The following FRMPD4 variants were observed in gnomAD, a reference collection of about 807,000 sequenced individuals.
The protein encoded by FRMPD4 is FERM and PDZ domain-containing protein 4.
In FRMPD4, 22 loss-of-function variants were observed where a neutral mutation model predicts 94.1. The ratio of observed to expected loss-of-function variants is 0.23; its 90% CI spans 0.17 to 0.33. The LOEUF (loss-of-function observed/expected upper bound fraction) is 0.33. FRMPD4 is among the 10% of genes least tolerant of loss of function. The pLI is 1.00. For synonymous variants in FRMPD4, 631 were observed against 548.6 expected, an observed-to-expected ratio of 1.15 and a Z score of -2.10; for missense variants, 1,111 against 1,339.9, an observed-to-expected ratio of 0.83 and a Z score of 2.67.
chrX:12,441,050 T>C (rs1022454442), intron 1 of FRMPD4, among the ~76,000 whole-genome samples: 8 of 112,437 alleles, frequency 7.1e-5, no homozygotes, highest in Non-Finnish European at 9.4e-5. Context: ...CTCTCCAGTT[T>C]CATTTGCATG....
intron 1 of FRMPD4, among the ~76,000 whole-genome samples, chrX:12,426,695 G>T (rs925568250): frequency 5.4e-5 from 6 of 111,007 alleles, no homozygotes; most frequent in Non-Finnish European, 9.4e-5. Context: ...AACCTGATCT[G>T]CCCTTCCATA....
chrX:12,495,352 A>G (rs913443976), intron 1 of FRMPD4, among the ~76,000 whole-genome samples: 2 of 112,018 alleles, frequency 1.8e-5, no homozygotes, highest in Non-Finnish European at 3.8e-5. Flanking sequence ...TATTCTCCCA[A>G]TGGGTCCTAT....
intron 3 of FRMPD4, among the ~76,000 whole-genome samples, chrX:11,907,898 C>T (rs2053976447): frequency 9.0e-6 from 1 of 110,675 alleles, no homozygotes; most frequent in African/African-American, 3.3e-5. Flanking sequence ...TTCCTTACTC[C>T]CCAAGTTTGT....
At chrX:12,593,776 A>G (rs1292290627) in intron 2 of FRMPD4, among the ~76,000 whole-genome samples, 2 of 111,334 alleles carry the variant, frequency 1.8e-5, no homozygotes, top group African/African-American at 6.5e-5. Flanking sequence ...TGCAGTACAC[A>G]ATCTAAGGCA....
chrX:12,466,000 C>A (rs2057445408), intron 1 of FRMPD4, among the ~76,000 whole-genome samples: 1 of 111,117 alleles, frequency 9.0e-6, no homozygotes, highest in South Asian at 3.8e-4. Flanking sequence ...GGAGAATGAC[C>A]ATTATACAGC....
chrX:12,551,916 GA>G (rs778474191), intron 2 of FRMPD4, among the ~76,000 whole-genome samples: 12 of 111,393 alleles, frequency 1.1e-4, no homozygotes, highest in African/African-American at 3.3e-4. Context: ...CTTAGTAACT[GA>G]AAAACTCCCC....
At chrX:11,927,113 GCCA>G (rs1025658620) in intron 3 of FRMPD4, among the ~76,000 whole-genome samples, 9 of 108,817 alleles carry the variant, frequency 8.3e-5, no homozygotes, top group African/African-American at 2.7e-4. Flanking sequence ...CAACAGTCAA[GCCA>G]AATCAGGAAC....
chrX:12,036,993 C>T (rs191869138), intron 3 of FRMPD4, among the ~76,000 whole-genome samples: 1 of 112,018 alleles, frequency 8.9e-6, no homozygotes, highest in African/African-American at 3.2e-5. Flanking sequence ...GGCTAAGTAT[C>T]TTTGTGAGGA....
chrX:12,689,991 C>T (rs1474260073), intron 7 of FRMPD4, among the ~76,000 whole-genome samples: 1 of 112,495 alleles, frequency 8.9e-6, no homozygotes, highest in Non-Finnish European at 1.9e-5. Flanking sequence ...TTTGAATGAT[C>T]GAGGAGGCCA....
intron 10 of FRMPD4, among the ~76,000 whole-genome samples, chrX:12,702,800 T>C (rs1466219426): frequency 8.9e-6 from 1 of 112,386 alleles, no homozygotes; most frequent in Non-Finnish European, 1.9e-5. Context: ...TCATATGCAA[T>C]TTGAGAACCT....
chrX:12,671,477 A>C (rs1382075138), intron 4 of FRMPD4, among the ~76,000 whole-genome samples: 1 of 111,023 alleles, frequency 9.0e-6, no homozygotes, highest in African/African-American at 3.3e-5. Context: ...CAGCAAACTA[A>C]CACAAGAGCA....
At chrX:12,535,246 C>T (rs146639743) in intron 2 of FRMPD4, among the ~76,000 whole-genome samples, 1 of 111,636 alleles carries the variant, frequency 9.0e-6, no homozygotes, top group South Asian at 3.8e-4. Flanking sequence ...TTATTGTGAG[C>T]CCTCCCCAGC....
chrX:12,642,354 T>C (rs2059507873), intron 4 of FRMPD4, among the ~76,000 whole-genome samples: 1 of 112,016 alleles, frequency 8.9e-6, no homozygotes, highest in Admixed American at 9.4e-5. Context: ...AAGTGACATT[T>C]AGGTTGAGAC....
intron 9 of FRMPD4, among the ~76,000 whole-genome samples, chrX:12,698,035 C>A (rs1162101394): frequency 9.0e-6 from 1 of 111,726 alleles, no homozygotes; most frequent in African/African-American, 3.3e-5. Context: ...CAAATGGTGT[C>A]TGGGTGCCCA....
intron 1 of FRMPD4, among the ~76,000 whole-genome samples, chrX:12,236,171 A>G (rs1180124654): frequency 1.8e-5 from 2 of 112,177 alleles, no homozygotes; most frequent in Non-Finnish European, 1.9e-5. Context: ...ACAACTTAAC[A>G]TTTACAAACT....
intron 1 of FRMPD4, among the ~76,000 whole-genome samples, chrX:12,266,128 G>A (rs192605088): frequency 6.0e-5 from 3 of 50,240 alleles, no homozygotes; most frequent in South Asian, 1.5e-3. Flanking sequence ...GCGAGACTCC[G>A]TCTCAAAAAA....
In FRMPD4 at chrX:12,718,136, A is replaced by G; in HGVS notation, c.3310A>G (p.Lys1104Glu). 8.3e-7 allele frequency: 1 copy of G among 1,211,868 alleles called. No individual in the cohort carries two copies. Among genetic ancestry groups the G allele is most frequent in the Non-Finnish European group, 1.1e-6 (1 of 895,439 alleles). The change falls in exon 16 of 17, where the codon AAA (lysine) becomes GAA (glutamate). Residue 1104 changes from lysine (K) to glutamate (E), a missense_variant. Lys to Glu is a moderately conservative substitution (Grantham distance 56). Around this residue, in one of 8 missense-constraint regions of FRMPD4, gnomAD observed 551 missense variants for 591.6 expected, o/e 0.93. Transcript: ENST00000675598. ...YVATEGGMAE[K>E]SGLEAATGKT... ...GGCCACTGAAGGTGGGATGGCTGAA[A>G]AAAGTGGATTAGAAGCAGCAACAGG...
intron 1 of FRMPD4, among the ~76,000 whole-genome samples, chrX:12,191,649 A>G (rs1267751341): frequency 9.3e-6 from 1 of 106,996 alleles, no homozygotes. Context: ...TGAGAAGGCT[A>G]TAATACTGTG....
intron 14 of FRMPD4, among the ~76,000 whole-genome samples, chrX:12,712,302 G>A (rs1405273677): frequency 9.0e-6 from 1 of 111,047 alleles, no homozygotes; most frequent in Non-Finnish European, 1.9e-5. Flanking sequence ...TAATCCCAGT[G>A]CTTTGGGAGG....
Sources: gnomAD v4.1 joint callset for allele counts (sites outside exome capture counted in the v4.1 genomes callset) on GRCh38, gnomAD v4.1.1 for gene constraint, gnomAD v4.1.1 regional missense constraint, MANE v1.5 for transcripts, NCBI Gene and HGNC (gene_info 2026-07-23, HGNC 2026-07-21) for gene names.